APBA2: variants seen among roughly 807,000 people sequenced by gnomAD.
APBA2 encodes the protein amyloid-beta A4 precursor protein-binding family A member 2.
In APBA2, 30 loss-of-function variants were observed where a neutral mutation model predicts 75.0. That is an observed-to-expected ratio of 0.40 (90% CI 0.30 to 0.54). APBA2 has a LOEUF of 0.54. Ranked by LOEUF, APBA2 falls within the 20% of genes least tolerant of loss-of-function variation. APBA2 has a pLI of 0.49. For synonymous variants in APBA2, 444 were observed against 409.6 expected (o/e 1.08, Z -1.01); for missense variants, 801 against 1,016.1 (o/e 0.79, Z 2.88).
intron 1 of APBA2, among the ~76,000 whole-genome samples, chr15:28,920,284 A>G (rs779011406): frequency 1.3e-5 from 2 of 152,208 alleles, no homozygotes; most frequent in Non-Finnish European, 2.9e-5. Flanking sequence ...CAACAAAAAG[A>G]TTTAAACATG....
At chr15:28,916,530 C>G (rs1469604726) in intron 1 of APBA2, among the ~76,000 whole-genome samples, 2 of 152,222 alleles carry the variant, frequency 1.3e-5, no homozygotes, top group Non-Finnish European at 2.9e-5. Context: ...CCTCTCTCCC[C>G]GCTCCCCTCC....
At chr15:29,115,795 A>T (rs114641589) in intron 14 of APBA2, among the ~76,000 whole-genome samples, 6,267 of 152,168 alleles carry the variant, frequency 0.041, 416 homozygotes, top group African/African-American at 0.14. Flanking sequence ...GGCCACACAG[A>T]TCCCGGCGGG....
rs1398385279 is a variant in APBA2, at chr15:29,076,043, A to T, written c.1033-12A>T. ...ATTGTTATGTGTTTTATTTTTCCAT[A>T]TTTCCTAACAGACAAAGAAGGTGGC... On this transcript the variant is annotated splice_polypyrimidine_tract_variant and intron_variant, in intron 5 of 14. Coordinates refer to ENST00000683413, the MANE Select transcript of APBA2 (RefSeq NM_001353788.2). 1 of 1,613,598 alleles carries T rather than the reference A, an allele frequency of 6.2e-7. No individual in the cohort carries two copies. Among genetic ancestry groups the T allele is most frequent in the Admixed American group, 1.7e-5 (1 of 59,986 alleles).
In APBA2 at chr15:29,094,324, C is replaced by A; in HGVS notation, c.1251+11C>A. ...ATCAAGAAAAAAGCGGTGTGTAGGG[C>A]CTTGAGGCCCTGGGACAGTGTTGTT... is the stretch of plus-strand genomic sequence containing the variant. On this transcript the variant is annotated intron_variant, in intron 8 of 14. Coordinates refer to ENST00000683413, the MANE Select transcript of APBA2 (RefSeq NM_001353788.2). The A allele has an allele frequency of 6.2e-7, 1 of 1,613,392 alleles. No individual in the cohort carries two copies. The highest frequency in any genetic ancestry group is 8.5e-7 in the Non-Finnish European group (1 of 1,179,564).
At chr15:29,104,543 G>C (rs192609886) in intron 10 of APBA2, among the ~76,000 whole-genome samples, 1 of 152,358 alleles carries the variant, frequency 6.6e-6, no homozygotes, top group East Asian at 1.9e-4. Flanking sequence ...CACTGAAGCA[G>C]CTCAGCGGAA....
intron 2 of APBA2, among the ~76,000 whole-genome samples, chr15:28,922,549 C>T (rs1432135215): frequency 6.6e-6 from 1 of 152,192 alleles, no homozygotes; most frequent in Non-Finnish European, 1.5e-5. Flanking sequence ...GTGCAGTGCA[C>T]AATGGGGCCA....
At chr15:29,025,304 C>T (rs1455466426) in intron 3 of APBA2, among the ~76,000 whole-genome samples, 3 of 145,098 alleles carry the variant, frequency 2.1e-5, no homozygotes, top group Non-Finnish European at 3.0e-5. Flanking sequence ...CTTGTTCTGT[C>T]GCCCAGGCTG....
At chr15:29,001,538 C>CCATCTGCAAAGTGGAGA (rs2038845321) in intron 3 of APBA2, among the ~76,000 whole-genome samples, 2 of 152,156 alleles carry the variant, frequency 1.3e-5, no homozygotes, top group Admixed American at 6.5e-5. Flanking sequence ...GCTCACCTTC[C>CCATCTGCAAAGTGGAGA]CATCTGCAAA....
intron 4 of APBA2, among the ~76,000 whole-genome samples, chr15:29,073,778 T>C (rs1251696905): frequency 1.3e-5 from 2 of 152,132 alleles, no homozygotes; most frequent in Non-Finnish European, 2.9e-5. Context: ...CTCTGGGAGG[T>C]GGACAGGGAT....
chr15:29,082,911 A>C (rs567205004), intron 6 of APBA2, among the ~76,000 whole-genome samples: 11 of 152,126 alleles, frequency 7.2e-5, no homozygotes, highest in Non-Finnish European at 1.2e-4. Flanking sequence ...CAGTACAAAA[A>C]ATAAACTGAG....
chr15:28,932,485 C>T (rs1165418782), intron 2 of APBA2, among the ~76,000 whole-genome samples: 1 of 152,198 alleles, frequency 6.6e-6, no homozygotes, highest in Non-Finnish European at 1.5e-5. Flanking sequence ...CACCCATGGG[C>T]TTCTGCCATG....
In APBA2 at chr15:29,062,832, A is replaced by T. The variant is rs1595870704; in HGVS notation, c.951+7997A>T. On this transcript the variant is annotated intron_variant, in intron 4 of 14. Coordinates refer to ENST00000683413, the MANE Select transcript of APBA2 (RefSeq NM_001353788.2). ...GGAAGCCGGCATCCCACCCGGCTGCAGCAGCTTGGGGCCCGGGAACATTCT... is the reference window on the plus strand; with the variant it reads ...GGAAGCCGGCATCCCACCCGGCTGCTGCAGCTTGGGGCCCGGGAACATTCT... Among the ~76,000 whole-genome samples the T allele has an allele frequency of 3.3e-5, 5 of 152,322 alleles. No individual in the cohort carries two copies. The South Asian group carries it at 1.0e-3, about 32-fold the overall frequency.
chr15:29,115,257 CGGGTGGGTGGAG>C (rs2045022562), intron 14 of APBA2, among the ~76,000 whole-genome samples: 2 of 4,210 alleles, frequency 4.8e-4, no homozygotes, highest in South Asian at 2.2e-3. Flanking sequence ...TGTGGGTGGG[CGGGTGGGTGGAG>C]GGGTCTCTAG....
chr15:29,099,099 A>T (rs1223914632), intron 9 of APBA2, among the ~76,000 whole-genome samples: 1 of 152,052 alleles, frequency 6.6e-6, no homozygotes, highest in African/African-American at 2.4e-5. Flanking sequence ...ACTTGGTGAA[A>T]ACTCAGGGAG....
intron 1 of APBA2, among the ~76,000 whole-genome samples, chr15:28,916,781 C>T (rs1447470692): frequency 6.6e-5 from 10 of 152,344 alleles, no homozygotes; most frequent in South Asian, 4.1e-4. Context: ...TCTTCCAGCA[C>T]GTGAACTCTG....
chr15:29,114,786 AGG>A (rs1319469873), intron 14 of APBA2, among the ~76,000 whole-genome samples: 1 of 65,534 alleles, frequency 1.5e-5, no homozygotes, highest in East Asian at 3.8e-4. Flanking sequence ...GTGCGTGTGG[AGG>A]AGTGTGTGTG....
chr15:29,064,820 G>C (rs1481295182), intron 4 of APBA2, among the ~76,000 whole-genome samples: 3 of 152,190 alleles, frequency 2.0e-5, no homozygotes, highest in Non-Finnish European at 4.4e-5. Flanking sequence ...TAGCAGGGCA[G>C]TTAGGAGATA....
chr15:28,935,945 G>T (rs2034841678), intron 2 of APBA2, among the ~76,000 whole-genome samples: 1 of 152,008 alleles, frequency 6.6e-6, no homozygotes, highest in African/African-American at 2.4e-5. Context: ...ACACCAGAGT[G>T]GTGAAATGCA....
At chr15:28,899,809 T>G (rs1209807851) in intron 1 of APBA2, among the ~76,000 whole-genome samples, 1 of 152,098 alleles carries the variant, frequency 6.6e-6, no homozygotes, top group Non-Finnish European at 1.5e-5. Flanking sequence ...GATCGGATAA[T>G]AAAGTGAGGA....
Sources: gnomAD v4.1 joint callset for allele counts (sites outside exome capture counted in the v4.1 genomes callset) on GRCh38, gnomAD v4.1.1 for gene constraint, MANE v1.5 for transcripts, NCBI Gene and HGNC (gene_info 2026-07-23, HGNC 2026-07-21) for gene names.